CRYBG1: variants seen among roughly 807,000 people sequenced by gnomAD.
CRYBG1 encodes the protein beta/gamma crystallin domain-containing protein 1.
A neutral mutation model predicts 189.2 loss-of-function variants in CRYBG1; 139 were observed. The observed-to-expected ratio is 0.73, with a 90% confidence interval of 0.64 to 0.85. The LOEUF is 0.85. CRYBG1 is among the 40% of genes least tolerant of loss of function. The probability of loss-of-function intolerance (pLI) is 0.00; values close to 1 mark genes in which losing one functional copy is unlikely to be tolerated. For missense variants in CRYBG1, 2,611 were observed against 2,675.8 expected, an observed-to-expected ratio of 0.98 and a Z score of 0.53; for synonymous variants, 1,023 against 1,017.1, an observed-to-expected ratio of 1.01 and a Z score of -0.11.
At chr6:106,409,067 G>A (rs1012610827) in intron 1 of CRYBG1, among the ~76,000 whole-genome samples, 7 of 152,046 alleles carry the variant, frequency 4.6e-5, no homozygotes, top group African/African-American at 1.5e-4. Context: ...CAAATAGGAA[G>A]AGGGGAAGTC....
intron 1 of CRYBG1, among the ~76,000 whole-genome samples, chr6:106,407,971 A>C (rs1770855884): frequency 6.6e-6 from 1 of 152,214 alleles, no homozygotes; most frequent in Admixed American, 6.5e-5. Context: ...GAACCAGAAA[A>C]GCAAGGGCAA....
chr6:106,454,725 A>G (rs1485557350), intron 2 of CRYBG1: 1 of 152,212 alleles, frequency 6.6e-6, no homozygotes, highest in African/African-American at 2.4e-5. Context: ...ACTGTTCCAT[A>G]TGTTCTATGT....
At chr6:106,474,349 T>C (rs1772293721) in intron 2 of CRYBG1, among the ~76,000 whole-genome samples, 2 of 152,166 alleles carry the variant, frequency 1.3e-5, no homozygotes, top group South Asian at 4.1e-4. Flanking sequence ...GTCTCTAAAA[T>C]ATAATAATAA....
At chr6:106,441,471 T>C (rs1376828061) in intron 1 of CRYBG1, among the ~76,000 whole-genome samples, 1 of 152,228 alleles carries the variant, frequency 6.6e-6, no homozygotes, top group Non-Finnish European at 1.5e-5. Context: ...AGCCATTCTA[T>C]TGTCTTCAGT....
intron 1 of CRYBG1, among the ~76,000 whole-genome samples, chr6:106,383,355 G>A (rs1582732586): frequency 6.6e-6 from 1 of 152,306 alleles, no homozygotes; most frequent in East Asian, 1.9e-4. Flanking sequence ...AATCCCAAAA[G>A]GGACTTGCCA....
chr6:106,428,179 G>C (rs776565921), intron 1 of CRYBG1, among the ~76,000 whole-genome samples: 1 of 152,132 alleles, frequency 6.6e-6, no homozygotes, highest in African/African-American at 2.4e-5. Context: ...TCAGAAGTAA[G>C]CTCCCTGATG....
intron 20 of CRYBG1, among the ~76,000 whole-genome samples, 192 bp from the exon 21 acceptor site, chr6:106,563,572 G>C (rs754979518): frequency 6.6e-6 from 1 of 152,184 alleles, no homozygotes; most frequent in Non-Finnish European, 1.5e-5. Flanking sequence ...CCCATCATTC[G>C]TGTCATCTGA....
At chr6:106,442,175 G>A (rs1343069393) in intron 1 of CRYBG1, among the ~76,000 whole-genome samples, 1 of 152,156 alleles carries the variant, frequency 6.6e-6, no homozygotes, top group East Asian at 1.9e-4. Flanking sequence ...AAAAATGTTT[G>A]ATACAAGGAA....
At chr6:106,470,665 G>GT (rs1316119386) in intron 2 of CRYBG1, among the ~76,000 whole-genome samples, 1 of 152,164 alleles carries the variant, frequency 6.6e-6, no homozygotes. Flanking sequence ...TAAAAATGAA[G>GT]TAAGGCAGAT....
Position 106,481,184 on chromosome 6 carries a change from C to T in CRYBG1, c.312+29352C>T, listed in dbSNP as rs569866858. Among the ~76,000 whole-genome samples, 4 of 64,634 alleles carry T rather than the reference C, an allele frequency of 6.2e-5. 1 individual carries two copies. The highest frequency in any genetic ancestry group is 1.1e-4 in the Non-Finnish European group (4 of 36,244). The allele number at this position is 64,634 out of a possible 152,430, so 42.4% of individuals were successfully genotyped here. A position where few individuals can be genotyped will look rare whatever the true frequency, so the allele number is the denominator to read the frequency against. ...AGAGACGGGGTTTCACCGTTTTAGC[C>T]GGGATGGTCTCGATCTCTTGACCTC... On this transcript the variant is annotated intron_variant, in intron 2 of 21. Transcript: ENST00000633556.
chr6:106,376,476 C>T (rs950943326), intron 1 of CRYBG1, among the ~76,000 whole-genome samples: 1 of 152,160 alleles, frequency 6.6e-6, no homozygotes, highest in Non-Finnish European at 1.5e-5. Flanking sequence ...TAGGTTCTGC[C>T]AGTGGGAAGC....
rs1421127063 is a variant in CRYBG1 at position 106,512,549 on chromosome 6, G to T, written c.1432G>T (p.Val478Phe). Residue 478 changes from valine to phenylalanine, a missense_variant, in exon 3 of 22, where the codon GTT becomes TTT. Transcript: ENST00000633556. ...TCCGCGGGCAGCCCTCGACGGGGGC[G>T]TTGCCTCCGCTGCGAGCCCAGAGTC... The part of the protein sequence containing the change: ...KSPRAALDGG[V>F]ASAASPESKP... 1.1e-5 allele frequency: 17 copies of T among 1,607,314 alleles called. No individual in the cohort carries two copies. The highest frequency in any genetic ancestry group is 1.0e-5 in the Non-Finnish European group (12 of 1,177,384).
chr6:106,447,572 A>ATATATATATATATATATATC (rs1562309779), intron 1 of CRYBG1, among the ~76,000 whole-genome samples: 1 of 143,846 alleles, frequency 7.0e-6, no homozygotes, highest in African/African-American at 2.6e-5. Context: ...ATATATATAT[A>ATATATATATATATATATATC]TCTACTATGT....
In CRYBG1 at chr6:106,511,461, G is replaced by A. The variant is rs1773254818; in HGVS notation, c.344G>A (p.Arg115Lys). Reference sequence around the variant, plus strand: ...GCACAACCTCCAGAAGACAACAGAAGGAAGCCAGTTTTGGGGAAACTTGGC... The same window carrying A: ...GCACAACCTCCAGAAGACAACAGAAAGAAGCCAGTTTTGGGGAAACTTGGC... The part of the protein sequence containing the change: ...SRAQPPEDNR[R>K]KPVLGKLGTL... The change falls in exon 3 of 22, where the codon AGG (arginine) becomes AAG (lysine). Residue 115 changes from arginine (R) to lysine (K), a missense_variant. Around this residue, in one of 3 missense-constraint regions of CRYBG1, gnomAD observed 985 missense variants for 924.4 expected, o/e 1.07. Coordinates refer to ENST00000633556, the MANE Select transcript of CRYBG1 (RefSeq NM_001371242.2). 33 of 1,535,788 alleles carry A rather than the reference G, an allele frequency of 2.1e-5. No homozygotes were observed. Among genetic ancestry groups the A allele is most frequent in the Non-Finnish European group, 2.8e-5 (32 of 1,146,688 alleles).
chr6:106,497,083 C>T (rs890488649), intron 2 of CRYBG1, among the ~76,000 whole-genome samples: 4 of 152,060 alleles, frequency 2.6e-5, no homozygotes, highest in African/African-American at 4.8e-5. Context: ...TTTTCAAAAC[C>T]GAAAGAGCAG....
At chr6:106,378,135 A>T (rs1770207872) in intron 1 of CRYBG1, among the ~76,000 whole-genome samples, 1 of 152,082 alleles carries the variant, frequency 6.6e-6, no homozygotes. Context: ...CATCCCTCAC[A>T]CAGCTCTCAC....
In CRYBG1 at chr6:106,521,093, T is replaced by C; in HGVS notation, c.3885T>C (p.Gly1295=). The C allele has an allele frequency of 6.2e-7, 1 of 1,614,126 alleles. No homozygotes were observed. Among genetic ancestry groups the C allele is most frequent in the Non-Finnish European group, 8.5e-7 (1 of 1,180,022 alleles). ...QPTTEGAPPC[G]LNKEQSNLLP... ...CGACTGAGGGTGCCCCGCCCTGTGGTTTGAACAAAGAACAGTCAAATCTTC... is the reference window on the plus strand; with the variant it reads ...CGACTGAGGGTGCCCCGCCCTGTGGCTTGAACAAAGAACAGTCAAATCTTC... The change falls in exon 4 of 22, where the codon GGT becomes GGC. Residue 1295 remains glycine, a synonymous_variant. Transcript: ENST00000633556.
intron 19 of CRYBG1, 106 bp downstream of exon 19, chr6:106,561,032 C>A: frequency 7.8e-7 from 1 of 1,275,490 alleles, no homozygotes; most frequent in Non-Finnish European, 1.1e-6. Context: ...TATAACTGGC[C>A]TCACCCTATA....
intron 1 of CRYBG1, among the ~76,000 whole-genome samples, chr6:106,379,974 G>C (rs964102992): frequency 4.6e-5 from 7 of 152,164 alleles, no homozygotes; most frequent in African/African-American, 7.2e-5. Flanking sequence ...ATTGTTGTTA[G>C]TAACAAATGG....
Sources: allele counts gnomAD v4.1 joint callset (sites outside exome capture counted in the v4.1 genomes callset), GRCh38; gene constraint gnomAD v4.1.1; regional missense constraint gnomAD v4.1.1; transcripts MANE v1.5; gene names NCBI Gene and HGNC (gene_info 2026-07-23, HGNC 2026-07-21).